Variants in MYOM2 observed in about 807,000 individuals in gnomAD.
MYOM2 encodes myomesin 2, also known as myomesin-2.
A neutral mutation model predicts 187.6 loss-of-function variants in MYOM2; 254 were observed. The observed-to-expected ratio is 1.35, with a 90% CI of 1.22 to 1.50. The LOEUF (loss-of-function observed/expected upper bound fraction) is 1.50. Ranked by LOEUF, MYOM2 falls within the 40% of genes most tolerant of loss-of-function variation. The probability of loss-of-function intolerance (pLI) is 0.00; values close to 1 mark genes in which losing one functional copy is unlikely to be tolerated. For missense variants in MYOM2, 2,796 were observed against 1,924.0 expected (o/e 1.45, Z -8.48); for synonymous variants, 981 against 753.8 (o/e 1.30, Z -4.94).
At chr8:2,046,912 G>C (rs561979302) in intron 1 of MYOM2, among the ~76,000 whole-genome samples, 1 of 152,072 alleles carries the variant, frequency 6.6e-6, no homozygotes, top group East Asian at 1.9e-4. Flanking sequence ...AAATAGTACA[G>C]GTTGATCATT....
rs1796245406 is a variant in MYOM2 at position 2,090,094 on chromosome 8, AG to A, written c.1734del (p.Lys579SerfsTer15). 5.6e-6 allele frequency: 9 copies of A among 1,613,886 alleles called. No individual in the cohort carries two copies. The highest frequency in any genetic ancestry group is 7.6e-6 in the Non-Finnish European group (9 of 1,180,024). On this transcript the variant is annotated frameshift_variant, in exon 15 of 37. Coordinates refer to ENST00000262113, the MANE Select transcript of MYOM2 (RefSeq NM_003970.4). LOFTEE classifies it high-confidence loss of function. ...PRYAVFDLME[G>X]KSYVFRVLSA... ...GATATGCCGTGTTTGACCTCATGGA[AG>A]GGAAGTCTTATGTGTTCCGAGTGCT...
chr8:2,140,965 T>C, intron 33 of MYOM2, 79 bp downstream of exon 33: 1 of 1,418,822 alleles, frequency 7.0e-7, no homozygotes, highest in Non-Finnish European at 9.5e-7. Flanking sequence ...GAATACAATA[T>C]GAATACAAGA....
chr8:2,107,553 A>G (rs6988128), intron 23 of MYOM2, among the ~76,000 whole-genome samples: 1 of 151,854 alleles, frequency 6.6e-6, no homozygotes, highest in Non-Finnish European at 1.5e-5. Context: ...ACGGAGGGGG[A>G]AGCCAGAATC....
At chr8:2,063,901 C>T (rs1818927631) in intron 6 of MYOM2, among the ~76,000 whole-genome samples, 1 of 152,218 alleles carries the variant, frequency 6.6e-6, no homozygotes, top group South Asian at 2.1e-4. Context: ...ATTCTGGGAA[C>T]CTGTCAGAAC....
In MYOM2 at chr8:2,106,307, G is replaced by C. The variant is rs776562103; in HGVS notation, c.2800G>C (p.Glu934Gln). Residue 934 changes from glutamate (E) to glutamine (Q), a missense_variant, in exon 22 of 37, where the codon GAA becomes CAA. Transcript: ENST00000262113. ...CATCTATCTGGGCTTCGACTGCCAG[G>C]AAATGACAGACGCGTCTCAGTTCAC... ...GNIYLGFDCQ[E>Q]MTDASQFTWC... The C allele has an allele frequency of 5.0e-6, 8 of 1,614,156 alleles. No homozygotes were observed. Among genetic ancestry groups the C allele is most frequent in the Non-Finnish European group, 6.8e-6 (8 of 1,180,012 alleles).
At chr8:2,125,820 G>C (rs1797616350) in intron 31 of MYOM2, among the ~76,000 whole-genome samples, 1 of 151,512 alleles carries the variant, frequency 6.6e-6, no homozygotes, top group Admixed American at 6.6e-5. Flanking sequence ...ATGCTGGCCA[G>C]GATGGTCTCC....
intron 16 of MYOM2, among the ~76,000 whole-genome samples, chr8:2,093,400 A>G: frequency 6.6e-6 from 1 of 152,360 alleles, no homozygotes; most frequent in African/African-American, 2.4e-5. Context: ...TCTATCATAC[A>G]CAAAGCATCT....
chr8:2,095,196 G>A (rs1354015885), intron 17 of MYOM2, among the ~76,000 whole-genome samples: 1 of 151,606 alleles, frequency 6.6e-6, no homozygotes, highest in Non-Finnish European at 1.5e-5. Context: ...TGACTCTTTT[G>A]TTTTAAGATT....
intron 16 of MYOM2, among the ~76,000 whole-genome samples, chr8:2,092,836 T>A (rs1436540496): frequency 6.6e-6 from 1 of 152,180 alleles, no homozygotes. Flanking sequence ...GTGACTACGA[T>A]GTGAAAGTCG....
intron 16 of MYOM2, 76 bp from the exon 17 acceptor site, chr8:2,093,894 G>C: frequency 6.4e-7 from 1 of 1,569,174 alleles, no homozygotes; most frequent in Non-Finnish European, 8.6e-7. Context: ...GGCGCGTTCA[G>C]GGTGATTTTT....
chr8:2,103,574 A>C (rs1796790234), intron 21 of MYOM2, among the ~76,000 whole-genome samples: 1 of 150,564 alleles, frequency 6.6e-6, no homozygotes, highest in Non-Finnish European at 1.5e-5. Flanking sequence ...TGAGTGGGAG[A>C]GTGTGCATGT....
chr8:2,125,567 C>G (rs1250551097), intron 31 of MYOM2, among the ~76,000 whole-genome samples: 4 of 140,064 alleles, frequency 2.9e-5, no homozygotes, highest in Non-Finnish European at 6.2e-5. Context: ...CTATTAGAGG[C>G]TTTCCTAGTT....
At chr8:2,101,792 C>A (rs751789305) in intron 20 of MYOM2, among the ~76,000 whole-genome samples, 3 of 152,162 alleles carry the variant, frequency 2.0e-5, no homozygotes, top group African/African-American at 4.8e-5. Context: ...TCGCTAAAGT[C>A]CATTTGATAA....
chr8:2,076,639 G>C (rs569873288), intron 11 of MYOM2: 4 of 196,270 alleles, frequency 2.0e-5, no homozygotes, highest in African/African-American at 9.2e-5. Context: ...GGCTTTAGCA[G>C]AATTAAAGCT....
In MYOM2 at chr8:2,127,049, C is replaced by G. The variant is rs115477048; in HGVS notation, c.3695-2078C>G. ...AGCTGCTTCTGGTCTGTGTGCTTTG[C>G]TCTCAGGCTGCTCCGACCCTCCCGT... On this transcript the variant is annotated intron_variant, in intron 31 of 36. Coordinates refer to ENST00000262113, the MANE Select transcript of MYOM2 (RefSeq NM_003970.4). Among the ~76,000 whole-genome samples, 542 of 151,986 alleles carry G rather than the reference C, an allele frequency of 3.6e-3. 4 individuals carry two copies. Among genetic ancestry groups the G allele is most frequent in the African/African-American group, 0.013 (528 of 41,430 alleles).
intron 31 of MYOM2, among the ~76,000 whole-genome samples, chr8:2,127,576 T>G (rs889989718): frequency 7.9e-5 from 12 of 152,012 alleles, no homozygotes; most frequent in African/African-American, 2.9e-4. Flanking sequence ...AGGCAGGCAG[T>G]ACCTCGGCGT....
chr8:2,045,778 C>T (rs550109343), intron 1 of MYOM2, among the ~76,000 whole-genome samples: 2 of 152,300 alleles, frequency 1.3e-5, no homozygotes, highest in African/African-American at 2.4e-5. Context: ...AGCTCCACTC[C>T]GCTGATAGAG....
At chr8:2,135,209 G>C (rs1798026245) in intron 32 of MYOM2, among the ~76,000 whole-genome samples, 1 of 152,146 alleles carries the variant, frequency 6.6e-6, no homozygotes, top group Admixed American at 6.5e-5. Context: ...ATATCTCTGT[G>C]AGAAACAAAT....
chr8:2,066,438 T>C (rs1175769609), intron 6 of MYOM2, among the ~76,000 whole-genome samples: 1 of 152,228 alleles, frequency 6.6e-6, no homozygotes, highest in Non-Finnish European at 1.5e-5. Context: ...ATCTGCTGTG[T>C]TATTGCTAGT....
Sources: allele counts gnomAD v4.1 joint callset (sites outside exome capture counted in the v4.1 genomes callset), GRCh38; gene constraint gnomAD v4.1.1; transcripts MANE v1.5; gene names NCBI Gene and HGNC (gene_info 2026-07-23, HGNC 2026-07-21).